The following BACE2 variants were observed in gnomAD, a reference collection of about 807,000 sequenced individuals.
BACE2 encodes 56 kDa aspartic-like protease.
In BACE2, 17 loss-of-function variants were observed where a neutral mutation model predicts 46.2. The ratio of observed to expected loss-of-function variants is 0.37; its 90% CI spans 0.25 to 0.55. BACE2 has a LOEUF of 0.55. Ranked by LOEUF, BACE2 falls within the 20% of genes least tolerant of loss-of-function variation. The probability of loss-of-function intolerance (pLI) is 0.82; values close to 1 mark genes in which losing one functional copy is unlikely to be tolerated. For missense variants in BACE2, 595 were observed against 698.1 expected, an observed-to-expected ratio of 0.85 and a Z score of 1.66; for synonymous variants, 277 against 295.9, an observed-to-expected ratio of 0.94 and a Z score of 0.66.
chr21:41,249,870 C>T (rs941487134), intron 6 of BACE2, among the ~76,000 whole-genome samples: 1 of 152,244 alleles, frequency 6.6e-6, no homozygotes, highest in African/African-American at 2.4e-5. Context: ...GCCATCTCAG[C>T]AACTAGTGAA....
At chr21:41,266,946 TTGTGTG>T (rs10527457) in intron 8 of BACE2, among the ~76,000 whole-genome samples, 21,991 of 147,884 alleles carry the variant, frequency 0.15, 2,908 homozygotes, top group African/African-American at 0.36. Flanking sequence ...CTCACAGTGT[TTGTGTG>T]TGTGTGTGTG....
intron 2 of BACE2, among the ~76,000 whole-genome samples, chr21:41,233,096 C>T (rs979027267): frequency 2.6e-5 from 4 of 152,110 alleles, no homozygotes; most frequent in Non-Finnish European, 5.9e-5. Flanking sequence ...TCTCGATCTC[C>T]TGACCTCATG....
Position 41,237,675 on chromosome 21 carries a change from G to T in BACE2, c.564G>T (p.Leu188Phe), listed in dbSNP as rs761656820. 1 of 1,614,006 alleles carries T rather than the reference G, an allele frequency of 6.2e-7. No homozygotes were observed. ...ATIFESENFF[L>F]PGIKWNGILG... ...TTTTTGAATCAGAGAATTTCTTTTT[G>T]CCTGGGATTAAATGGAATGGAATAC... Residue 188 changes from leucine (L) to phenylalanine (F), a missense_variant, in exon 3 of 9, where the codon TTG becomes TTT. Physicochemically the swap from Leu to Phe is conservative, Grantham distance 22. Transcript: ENST00000330333.
intron 3 of BACE2, among the ~76,000 whole-genome samples, chr21:41,239,509 C>G (rs908293103): frequency 6.6e-6 from 1 of 152,206 alleles, no homozygotes; most frequent in Non-Finnish European, 1.5e-5. Flanking sequence ...TCCCAAGTAG[C>G]TGGGACCACA....
Position 41,237,730 on chromosome 21 carries a change from G to A in BACE2, c.618+1G>A. 1 of 1,611,036 alleles carries A rather than the reference G, an allele frequency of 6.2e-7. No individual in the cohort carries two copies. The highest frequency in any genetic ancestry group is 8.5e-7 in the Non-Finnish European group (1 of 1,177,220). On this transcript the variant is annotated splice_donor_variant, in intron 3 of 8. Transcript: ENST00000330333. LOFTEE classifies it high-confidence loss of function. Reference sequence around the variant, plus strand: ...CCTAGCTTATGCCACACTTGCCAAGGTAAGGCTAATCCATGGATTTAAGGA... The same window carrying A: ...CCTAGCTTATGCCACACTTGCCAAGATAAGGCTAATCCATGGATTTAAGGA...
intron 1 of BACE2, among the ~76,000 whole-genome samples, chr21:41,212,558 G>A (rs1986332757): frequency 6.6e-6 from 1 of 152,206 alleles, no homozygotes; most frequent in African/African-American, 2.4e-5. Flanking sequence ...TGCACTCAGA[G>A]TGGGCTATTG....
At chr21:41,199,105 A>G (rs1985855405) in intron 1 of BACE2, among the ~76,000 whole-genome samples, 1 of 140,546 alleles carries the variant, frequency 7.1e-6, no homozygotes, top group African/African-American at 2.7e-5. Flanking sequence ...CCCACCTATG[A>G]GTGAGAACGT....
chr21:41,273,204 G>A (rs556348541), intron 8 of BACE2, among the ~76,000 whole-genome samples: 37 of 152,310 alleles, frequency 2.4e-4, no homozygotes, highest in African/African-American at 7.5e-4. Flanking sequence ...GGACCAGGGC[G>A]AAATCAAAAT....
chr21:41,205,772 G>A (rs1387149764), intron 1 of BACE2, among the ~76,000 whole-genome samples: 2 of 152,094 alleles, frequency 1.3e-5, no homozygotes, highest in Non-Finnish European at 2.9e-5. Flanking sequence ...AATTCCACAG[G>A]AATTGAAAAC....
chr21:41,244,830 G>A (rs2837983), intron 5 of BACE2, among the ~76,000 whole-genome samples: 31,166 of 152,002 alleles, frequency 0.21, 3,363 homozygotes, highest in Middle Eastern at 0.31. Flanking sequence ...TGGTAGAATC[G>A]AATGTCCGAA....
intron 1 of BACE2, among the ~76,000 whole-genome samples, chr21:41,196,714 C>A (rs1218873597): frequency 6.6e-6 from 1 of 152,152 alleles, no homozygotes; most frequent in Admixed American, 6.5e-5. Flanking sequence ...ATTTGTTTTG[C>A]CTAAAGCAAT....
intron 8 of BACE2, among the ~76,000 whole-genome samples, chr21:41,258,677 A>T (rs1250488714): frequency 1.3e-5 from 2 of 151,954 alleles, no homozygotes; most frequent in Non-Finnish European, 1.5e-5. Flanking sequence ...GAAAGATTGC[A>T]GTGGACTATT....
chr21:41,171,178 G>A (rs1016895650), intron 1 of BACE2, among the ~76,000 whole-genome samples: 1 of 152,344 alleles, frequency 6.6e-6, no homozygotes, highest in African/African-American at 2.4e-5. Flanking sequence ...CTTATTGTAT[G>A]ACTGCAACTG....
At position 41,193,058 on chromosome 21, in the gene BACE2, T is replaced by A. The variant is rs1985628251; in HGVS notation, c.312+24483T>A. 6.6e-6 allele frequency among the ~76,000 whole-genome samples: 1 copy of A among 152,250 alleles called. No homozygotes were observed. The highest frequency in any genetic ancestry group is 2.1e-4 in the South Asian group (1 of 4,834). ...CAATAAGTCCAGTGTGTTTGCTACTTCTTGCTCACTGGATCCAATCAGCAT... is the reference window on the plus strand; with the variant it reads ...CAATAAGTCCAGTGTGTTTGCTACTACTTGCTCACTGGATCCAATCAGCAT... On this transcript the variant is annotated intron_variant, in intron 1 of 8. Coordinates refer to ENST00000330333, the MANE Select transcript of BACE2 (RefSeq NM_012105.5). The surrounding 1 kb of genome is among the most constrained non-coding windows in gnomAD (Gnocchi z 4.2).
rs557774946 is a variant in BACE2, at chr21:41,237,846, T to C, written c.618+117T>C. 7.9e-6 allele frequency: 6 copies of C among 755,430 alleles called. No homozygotes were observed. The African/African-American group carries it at 1.0e-4, about 13-fold the overall frequency. The allele number at this position is 755,430 out of a possible 1,614,324, so 46.8% of individuals were successfully genotyped here. A position where few individuals can be genotyped will look rare whatever the true frequency, so the allele number is the denominator to read the frequency against. On this transcript the variant is annotated intron_variant, in intron 3 of 8. Coordinates refer to ENST00000330333, the MANE Select transcript of BACE2 (RefSeq NM_012105.5). ...GTTCTTGGAGACAGTGAGAACCACG[T>C]GGTGGAAACAGACCAGCATTCACAC...
intron 8 of BACE2, among the ~76,000 whole-genome samples, chr21:41,271,354 G>A (rs755069627): frequency 6.6e-6 from 1 of 152,132 alleles, no homozygotes; most frequent in Non-Finnish European, 1.5e-5. Context: ...TGTGAGGTAA[G>A]AATAGTTTTT....
chr21:41,210,059 T>G (rs1437413320), intron 1 of BACE2, among the ~76,000 whole-genome samples: 1 of 151,348 alleles, frequency 6.6e-6, no homozygotes, highest in African/African-American at 2.4e-5. Context: ...TAGTGACAGC[T>G]CCCAGGTCCA....
chr21:41,178,956 A>G, intron 1 of BACE2: 1 of 555,184 alleles, frequency 1.8e-6, no homozygotes, highest in African/African-American at 2.0e-5. Context: ...GCGGTTATGG[A>G]AGACCTCTCT....
intron 7 of BACE2, among the ~76,000 whole-genome samples, chr21:41,255,389 G>C (rs77395637): frequency 6.6e-6 from 1 of 152,132 alleles, no homozygotes; most frequent in Non-Finnish European, 1.5e-5. Flanking sequence ...AGAGTGCTCC[G>C]ATGCTTGCAG....
Sources: allele counts gnomAD v4.1 joint callset (sites outside exome capture counted in the v4.1 genomes callset), GRCh38; gene constraint gnomAD v4.1.1; non-coding constraint Gnocchi (gnomAD v3.1); transcripts MANE v1.5; gene names NCBI Gene and HGNC (gene_info 2026-07-23, HGNC 2026-07-21).